The following DST variants were observed in gnomAD, a reference collection of about 807,000 sequenced individuals.
DST encodes the protein bullous pemphigoid antigen.
A neutral mutation model predicts 875.2 loss-of-function variants in DST; 253 were observed. The ratio of observed to expected loss-of-function variants is 0.29; its 90% CI spans 0.26 to 0.32. The LOEUF is 0.32. Among genes scored for constraint, DST ranks in the 10% least tolerant of loss-of-function variants. The probability of loss-of-function intolerance (pLI) is 1.00; values close to 1 mark genes in which losing one functional copy is unlikely to be tolerated. For missense variants in DST, 8,287 were observed against 9,111.6 expected (o/e 0.91, Z 3.68); for synonymous variants, 3,124 against 3,197.1 (o/e 0.98, Z 0.77).
chr6:56,759,262 A>G (rs1355531707), intron 4 of DST, among the ~76,000 whole-genome samples: 1 of 152,168 alleles, frequency 6.6e-6, no homozygotes, highest in Non-Finnish European at 1.5e-5. Context: ...AGCCTGGCCA[A>G]CATGGTGAAA....
chr6:56,569,082 G>A (rs1197320948), intron 54 of DST, among the ~76,000 whole-genome samples: 1 of 152,102 alleles, frequency 6.6e-6, no homozygotes, highest in African/African-American at 2.4e-5. Flanking sequence ...TAGCACTTTG[G>A]AAGGCCAAGG....
intron 3 of DST, among the ~76,000 whole-genome samples, chr6:56,865,510 G>C (rs1298094180): frequency 6.6e-6 from 1 of 151,918 alleles, no homozygotes; most frequent in Non-Finnish European, 1.5e-5. Flanking sequence ...TAATTTTTTT[G>C]TTTTTTGAAG....
Position 56,608,422 on chromosome 6 carries a change from T to A in DST, c.6206A>T (p.Tyr2069Phe). 1 of 1,613,748 alleles carries A rather than the reference T, an allele frequency of 6.2e-7. No homozygotes were observed. Residue 2069 changes from tyrosine to phenylalanine, a missense_variant, in exon 40 of 104, where the codon TAT (tyrosine) becomes TTT (phenylalanine). This residue lies in a region of DST where 3,138 missense variants were observed against 3,116.6 expected (regional missense o/e 1.01). Transcript: ENST00000680361. ...ALLVLEAQRG[Y>F]VGLIWPHSGE... ...AGAATGGGGCCAAATGAGTCCAACA[T>A]AGCCTCGCTGAGCTTCCAGGACCAG...
chr6:56,929,328 C>T (rs1309732016), intron 2 of DST, among the ~76,000 whole-genome samples: 3 of 152,078 alleles, frequency 2.0e-5, no homozygotes, highest in East Asian at 1.9e-4. Flanking sequence ...CATTAATAGG[C>T]GGATGATTAG....
chr6:56,462,431 T>C (rs2094380833), intron 102 of DST, among the ~76,000 whole-genome samples: 1 of 152,176 alleles, frequency 6.6e-6, no homozygotes, highest in South Asian at 2.1e-4. Context: ...AACCCATACA[T>C]TTATTACCTG....
rs186544777 is a variant in DST at position 56,897,973 on chromosome 6, G to A, written c.417+2448C>T. 4.4e-4 allele frequency among the ~76,000 whole-genome samples: 67 copies of A among 152,250 alleles called. No homozygotes were observed. The East Asian group carries it at 0.012, about 28-fold the overall frequency. On this transcript the variant is annotated intron_variant, in intron 3 of 103. Transcript: ENST00000680361. ...TGCCCTCTGCTGCCCCTTAGACCAG[G>A]AGTTGAAGGTAAGTAGGCTCCACCT...
chr6:56,814,991 C>A (rs893699843), intron 4 of DST, among the ~76,000 whole-genome samples: 1 of 152,174 alleles, frequency 6.6e-6, no homozygotes, highest in African/African-American at 2.4e-5. Context: ...GCAAAGGCTG[C>A]AGAGCCACAC....
intron 3 of DST, among the ~76,000 whole-genome samples, chr6:56,869,326 A>T (rs796865325): frequency 6.6e-6 from 1 of 152,244 alleles, no homozygotes; most frequent in South Asian, 2.1e-4. Context: ...CTTAGAGGCT[A>T]GAGCAATAGA....
At chr6:56,918,472 A>C (rs1802443140) in intron 2 of DST, among the ~76,000 whole-genome samples, 1 of 152,194 alleles carries the variant, frequency 6.6e-6, no homozygotes, top group South Asian at 2.1e-4. Flanking sequence ...ACCATACTTA[A>C]CTATTTTCCT....
At position 56,899,251 on chromosome 6, in the gene DST, T is replaced by C. The variant is rs1323756461; in HGVS notation, c.417+1170A>G. Among the ~76,000 whole-genome samples the C allele has an allele frequency of 2.0e-5, 3 of 152,240 alleles. No individual in the cohort carries two copies. In the South Asian group the frequency reaches 6.2e-4, roughly 31 times the overall value. On this transcript the variant is annotated intron_variant, in intron 3 of 103. Transcript: ENST00000680361. ...ATAAAATGCATGTTTGTTGAATGAG[T>C]AAATTTTCCTACCATTTCATATTTC...
At chr6:56,759,023 G>C (rs921254845) in intron 4 of DST, among the ~76,000 whole-genome samples, 2 of 152,144 alleles carry the variant, frequency 1.3e-5, no homozygotes, top group African/African-American at 2.4e-5. Flanking sequence ...TCATGAAGCT[G>C]AGCTGCATTA....
At chr6:56,562,012 TA>T (rs1217207072) in intron 56 of DST, 125 bp downstream of exon 56, 2 of 501,708 alleles carry the variant, frequency 4.0e-6, no homozygotes, top group Non-Finnish European at 6.8e-6. Context: ...TTGTGACTAT[TA>T]GATTAAATAC....
At position 56,472,049 on chromosome 6, in the gene DST, A is replaced by T; in HGVS notation, c.22158+10T>A. 2 of 1,613,746 alleles carry T rather than the reference A, an allele frequency of 1.2e-6. No homozygotes were observed. The highest frequency in any genetic ancestry group is 4.5e-5 in the East Asian group (2 of 44,876). On this transcript the variant is annotated intron_variant, in intron 94 of 103. Transcript: ENST00000680361. ...TGACAATGTGGTGTTGAGGGTATGA[A>T]TTTCCAAACCTCCTCTAGTCTGTCC...
intron 79 of DST, 47 bp from the exon 80 acceptor site, chr6:56,501,282 G>GA (rs776523966): frequency 5.1e-5 from 78 of 1,523,240 alleles, no homozygotes; most frequent in Non-Finnish European, 6.5e-5. Context: ...TTGATATTAT[G>GA]AATGACATGT....
At chr6:56,602,753 A>G (rs2098457689) in intron 43 of DST, 129 bp downstream of exon 43, 1 of 628,682 alleles carries the variant, frequency 1.6e-6, no homozygotes, top group Non-Finnish European at 2.4e-6. Flanking sequence ...ATGAATAAAG[A>G]CATCTCTAGA....
At chr6:56,521,601 GAAAAAAAAAAAAAA>G (rs10547460) in intron 69 of DST, among the ~76,000 whole-genome samples, 1 of 92,050 alleles carries the variant, frequency 1.1e-5, no homozygotes, top group Non-Finnish European at 2.1e-5. Context: ...CTCTGCTAAG[GAAAAAAAAAAAAAA>G]AAAAAAAAAA....
At chr6:56,757,386 C>A (rs2099606691) in intron 4 of DST, among the ~76,000 whole-genome samples, 1 of 152,158 alleles carries the variant, frequency 6.6e-6, no homozygotes, top group Non-Finnish European at 1.5e-5. Context: ...CAGTTTCTAA[C>A]CATTCTGTTT....
At chr6:56,554,040 C>T (rs1406243549) in intron 60 of DST, among the ~76,000 whole-genome samples, 1 of 134,924 alleles carries the variant, frequency 7.4e-6, no homozygotes, top group Non-Finnish European at 1.6e-5. Flanking sequence ...AATAATCCAT[C>T]TCTTATTAAA....
chr6:56,696,172 A>AT (rs1440677627), intron 9 of DST, among the ~76,000 whole-genome samples: 2 of 151,852 alleles, frequency 1.3e-5, no homozygotes, highest in Non-Finnish European at 1.5e-5. Context: ...AACTTTTTTT[A>AT]TTTTTTTGAG....
Sources: allele counts gnomAD v4.1 joint callset (sites outside exome capture counted in the v4.1 genomes callset), GRCh38; gene constraint gnomAD v4.1.1; regional missense constraint gnomAD v4.1.1; transcripts MANE v1.5; gene names NCBI Gene and HGNC (gene_info 2026-07-23, HGNC 2026-07-21).